Variants in CNBD1 observed in about 807,000 individuals in gnomAD.
CNBD1 encodes the protein cyclic nucleotide-binding domain-containing protein 1.
In CNBD1, 71 loss-of-function variants were observed where a neutral mutation model predicts 54.4. The ratio of observed to expected loss-of-function variants is 1.30; its 90% CI spans 1.08 to 1.59. The LOEUF is 1.59. Ranked by LOEUF, CNBD1 falls within the 40% of genes most tolerant of loss-of-function variation. The pLI is 0.00. For missense variants in CNBD1, 659 were observed against 518.0 expected (o/e 1.27, Z -2.64); for synonymous variants, 182 against 170.7 (o/e 1.07, Z -0.51).
chr8:87,275,712 A>C (rs1427205996), intron 6 of CNBD1, among the ~76,000 whole-genome samples: 5 of 151,564 alleles, frequency 3.3e-5, no homozygotes, highest in East Asian at 1.9e-4. Context: ...AGTGTTGGAA[A>C]TTCTGGCCAG....
chr8:86,875,540 T>C (rs1374847336), intron 1 of CNBD1, among the ~76,000 whole-genome samples: 1 of 152,240 alleles, frequency 6.6e-6, no homozygotes, highest in Non-Finnish European at 1.5e-5. Flanking sequence ...ATAATTACAA[T>C]AATAGCAAAC....
chr8:86,887,223 A>T (rs1372985598), intron 1 of CNBD1, among the ~76,000 whole-genome samples: 1 of 152,180 alleles, frequency 6.6e-6, no homozygotes, highest in African/African-American at 2.4e-5. Flanking sequence ...TTCATCTTGT[A>T]ACAGTGTTGG....
rs1040643855 is a variant in CNBD1, at chr8:87,225,013, T to A, written c.578-11906T>A. 2.6e-5 allele frequency among the ~76,000 whole-genome samples: 4 copies of A among 152,200 alleles called. No individual in the cohort carries two copies. In the Middle Eastern group the frequency reaches 0.014, roughly 518 times the overall value. ...TTATTCTCTTTGAAGCAATTGTGAA[T>A]GGGAGTTCACTCGTGATTTGGCTCT... On this transcript the variant is annotated intron_variant, in intron 5 of 10. Transcript: ENST00000518476.
At chr8:87,363,954 C>G (rs1267846815) in intron 10 of CNBD1, among the ~76,000 whole-genome samples, 1 of 142,298 alleles carries the variant, frequency 7.0e-6, no homozygotes, top group South Asian at 2.2e-4. Context: ...AATGGTATTG[C>G]CTAGGAAATT....
At chr8:86,975,919 C>T (rs1309408635) in intron 4 of CNBD1, among the ~76,000 whole-genome samples, 1 of 151,868 alleles carries the variant, frequency 6.6e-6, no homozygotes, top group Non-Finnish European at 1.5e-5. Context: ...TGATAATAAC[C>T]ATTTTAACAG....
intron 5 of CNBD1, among the ~76,000 whole-genome samples, chr8:87,213,887 TA>T (rs1336757275): frequency 6.6e-6 from 1 of 152,212 alleles, no homozygotes; most frequent in Non-Finnish European, 1.5e-5. Context: ...ACTTCCTAGA[TA>T]CAATCAGGGT....
At chr8:87,270,504 A>AT (rs1420734408) in intron 6 of CNBD1, among the ~76,000 whole-genome samples, 4 of 151,944 alleles carry the variant, frequency 2.6e-5, no homozygotes, top group African/African-American at 9.7e-5. Context: ...ACACTTATAC[A>AT]TTTTTGGTTG....
At chr8:87,404,285 A>G (rs1261180551) in intron 2 of CNBD1, among the ~76,000 whole-genome samples, 1 of 152,060 alleles carries the variant, frequency 6.6e-6, no homozygotes, top group Admixed American at 6.6e-5. Context: ...TGTGATATCT[A>G]ACAAACTGTA....
In CNBD1 at chr8:87,382,248, G is replaced by A. The variant is rs1451867128; in HGVS notation, c.1304-372G>A. Among the ~76,000 whole-genome samples the A allele has an allele frequency of 2.6e-5, 4 of 151,818 alleles. No individual in the cohort carries two copies. In the South Asian group the frequency reaches 8.3e-4, roughly 31 times the overall value. On this transcript the variant is annotated intron_variant, in intron 10 of 10. Transcript: ENST00000518476. ...AGCTAACTGGTTAGATACAAAATAG[G>A]TAAGATGATTTTACATTCATATGAA...
chr8:87,112,323 C>T (rs1811680346), intron 4 of CNBD1, among the ~76,000 whole-genome samples: 1 of 152,114 alleles, frequency 6.6e-6, no homozygotes, highest in Non-Finnish European at 1.5e-5. Context: ...CTATCCAGTT[C>T]CCCTATCTAA....
chr8:87,421,709 A>G (rs1186765436), intron 2 of CNBD1, among the ~76,000 whole-genome samples: 2 of 150,400 alleles, frequency 1.3e-5, no homozygotes, highest in Non-Finnish European at 3.0e-5. Flanking sequence ...AGTCTTTGCT[A>G]TTGTGAATAA....
At chr8:87,035,141 T>A (rs1809890797) in intron 4 of CNBD1, among the ~76,000 whole-genome samples, 1 of 152,206 alleles carries the variant, frequency 6.6e-6, no homozygotes, top group Non-Finnish European at 1.5e-5. Flanking sequence ...TTTTTCAAAG[T>A]TTATGCCATC....
At chr8:87,220,619 C>G (rs1364120623) in intron 5 of CNBD1, among the ~76,000 whole-genome samples, 1 of 150,978 alleles carries the variant, frequency 6.6e-6, no homozygotes, top group Non-Finnish European at 1.5e-5. Flanking sequence ...CTCAGCTCAA[C>G]ATTCACATAA....
chr8:87,406,454 A>G (rs1415207757), intron 2 of CNBD1, among the ~76,000 whole-genome samples: 1 of 65,364 alleles, frequency 1.5e-5, no homozygotes, highest in Non-Finnish European at 4.0e-5. Context: ...GTATACACAC[A>G]CACACACACA....
At chr8:87,372,873 G>C (rs1380273947) in intron 10 of CNBD1, among the ~76,000 whole-genome samples, 9 of 151,446 alleles carry the variant, frequency 5.9e-5, no homozygotes, top group African/African-American at 2.2e-4. Flanking sequence ...ACTTTTTGTG[G>C]GCTCCCAGGA....
At chr8:87,413,077 AG>A (rs1199413429) in intron 2 of CNBD1, among the ~76,000 whole-genome samples, 2 of 151,990 alleles carry the variant, frequency 1.3e-5, no homozygotes, top group Non-Finnish European at 2.9e-5. Context: ...GGGGCTCACA[AG>A]GGGCTCTCAA....
intron 10 of CNBD1, among the ~76,000 whole-genome samples, chr8:87,363,081 C>A (rs1374872644): frequency 6.6e-6 from 1 of 151,990 alleles, no homozygotes; most frequent in Non-Finnish European, 1.5e-5. Context: ...TCAACTCCCA[C>A]TTATGAGTGG....
intron 4 of CNBD1, among the ~76,000 whole-genome samples, chr8:87,037,447 A>G (rs1809973307): frequency 6.6e-6 from 1 of 152,164 alleles, no homozygotes; most frequent in Non-Finnish European, 1.5e-5. Context: ...AAACTCATTA[A>G]GCATTAGCAT....
At chr8:87,099,034 CAAAAAA>C (rs11402011) in intron 4 of CNBD1, among the ~76,000 whole-genome samples, 470 of 22,992 alleles carry the variant, frequency 0.02, 2 homozygotes, top group African/African-American at 0.055. Context: ...GACTGTGTCT[CAAAAAA>C]AAAAAAAAAA....
Sources: allele counts gnomAD v4.1 joint callset (sites outside exome capture counted in the v4.1 genomes callset), GRCh38; gene constraint gnomAD v4.1.1; transcripts MANE v1.5; gene names NCBI Gene and HGNC (gene_info 2026-07-23, HGNC 2026-07-21).